The following CCDC171 variants were observed in gnomAD, a reference collection of about 807,000 sequenced individuals.
The protein encoded by CCDC171 is coiled-coil domain-containing protein 171.
In CCDC171, 177 loss-of-function variants were observed where a neutral mutation model predicts 168.2. The ratio of observed to expected loss-of-function variants is 1.05; its 90% CI spans 0.93 to 1.19. The LOEUF (loss-of-function observed/expected upper bound fraction) is 1.19, where lower values mean the gene tolerates loss of function less well. Among genes scored for constraint, CCDC171 ranks in the 50% most tolerant of loss-of-function variants. The pLI is 0.00. For synonymous variants in CCDC171, 687 were observed against 540.8 expected, an observed-to-expected ratio of 1.27 and a Z score of -3.75; for missense variants, 1,991 against 1,539.0, an observed-to-expected ratio of 1.29 and a Z score of -4.91.
At chr9:15,801,143 A>G (rs2135783810) in intron 21 of CCDC171, among the ~76,000 whole-genome samples, 1 of 151,496 alleles carries the variant, frequency 6.6e-6, no homozygotes, top group African/African-American at 2.4e-5. Context: ...TTCTATTTGT[A>G]TGAAGAATGT....
Position 15,649,159 on chromosome 9 carries a change from A to C in CCDC171, c.823-7968A>C, listed in dbSNP as rs182271086. Among the ~76,000 whole-genome samples the C allele has an allele frequency of 4.8e-3, 732 of 152,320 alleles. 7 individuals are homozygous for C. Among genetic ancestry groups the C allele is most frequent in the African/African-American group, 0.017 (694 of 41,576 alleles). ...ACAGGAAATGGGGAATGGATTCCCT[A>C]TTTAATAAATGGTGCTGGGAAAACT... On this transcript the variant is annotated intron_variant, in intron 7 of 25. Transcript: ENST00000380701.
chr9:16,000,688 AC>A (rs1475312076), intron 3 of CCDC171, among the ~76,000 whole-genome samples: 1 of 151,242 alleles, frequency 6.6e-6, no homozygotes, highest in Non-Finnish European at 1.5e-5. Flanking sequence ...GACTTACCAA[AC>A]CACTCTGGAA....
In CCDC171 at chr9:15,574,432, C is replaced by T. The variant is rs377572648; in HGVS notation, c.177+2673C>T. 1.7e-3 allele frequency among the ~76,000 whole-genome samples: 266 copies of T among 152,150 alleles called. 10 individuals are homozygous for T. In the South Asian group the frequency reaches 0.046, roughly 26 times the overall value. ...TACTGGGATTATAGGTGTGAGCCAC[C>T]GCGCCTGGCCAAATTTTTGTATTTT... On this transcript the variant is annotated intron_variant, in intron 3 of 25. Coordinates refer to ENST00000380701, the MANE Select transcript of CCDC171 (RefSeq NM_173550.4).
chr9:15,822,178 T>C (rs1030889570), intron 21 of CCDC171, among the ~76,000 whole-genome samples: 1 of 152,080 alleles, frequency 6.6e-6, no homozygotes, highest in Non-Finnish European at 1.5e-5. Flanking sequence ...ATACAAAAAT[T>C]AATTCAAGAT....
At chr9:15,996,052 A>G (rs997985691) in intron 3 of CCDC171, among the ~76,000 whole-genome samples, 1 of 152,206 alleles carries the variant, frequency 6.6e-6, no homozygotes. Flanking sequence ...CTTCTGTAAG[A>G]TGTTTCACAC....
At chr9:15,634,024 G>T (rs1234530306) in intron 7 of CCDC171, among the ~76,000 whole-genome samples, 1 of 151,650 alleles carries the variant, frequency 6.6e-6, no homozygotes, top group Non-Finnish European at 1.5e-5. Context: ...GGGGACTGTT[G>T]TGGGGTGGGG....
At chr9:16,064,891 T>C (rs1833975155), downstream of CCDC171, among the ~76,000 whole-genome samples, 1 of 152,256 alleles carries the variant, frequency 6.6e-6, no homozygotes. Context: ...CTTCTACTTA[T>C]GGCCTTTCCT....
At chr9:15,890,282 C>A (rs1368185867) in intron 24 of CCDC171, among the ~76,000 whole-genome samples, 1 of 151,976 alleles carries the variant, frequency 6.6e-6, no homozygotes, top group Non-Finnish European at 1.5e-5. Flanking sequence ...CATTGCTTGC[C>A]CTTTAGAGAT....
intron 18 of CCDC171, among the ~76,000 whole-genome samples, chr9:15,764,876 A>G (rs1002735522): frequency 6.6e-6 from 1 of 152,212 alleles, no homozygotes. Flanking sequence ...GGGGTGGGAC[A>G]TAACTGCTTT....
the CCDC171 span, among the ~76,000 whole-genome samples, chr9:16,076,539 G>A: frequency 7.2e-5 from 11 of 152,296 alleles, no homozygotes; most frequent in Admixed American, 2.0e-4. Flanking sequence ...CCTGTGCTGA[G>A]CTCCTTAGGG....
chr9:15,990,296 C>T (rs562435934), intron 3 of CCDC171, among the ~76,000 whole-genome samples: 5 of 151,778 alleles, frequency 3.3e-5, no homozygotes, highest in Non-Finnish European at 5.9e-5. Flanking sequence ...AAAGAATTTT[C>T]AACCCAGAAT....
chr9:15,707,593 C>T (rs2052345862), intron 11 of CCDC171, among the ~76,000 whole-genome samples: 1 of 152,136 alleles, frequency 6.6e-6, no homozygotes, highest in African/African-American at 2.4e-5. Flanking sequence ...TTCTCCCTTC[C>T]TTACTTTACA....
chr9:15,975,362 T>C (rs932670918), downstream of CCDC171, among the ~76,000 whole-genome samples: 1 of 152,164 alleles, frequency 6.6e-6, no homozygotes, highest in African/African-American at 2.4e-5. Flanking sequence ...TAATTAACAC[T>C]TTTTAAAGAG....
chr9:15,662,600 C>T (rs985888985), intron 8 of CCDC171, among the ~76,000 whole-genome samples: 1 of 152,088 alleles, frequency 6.6e-6, no homozygotes, highest in Admixed American at 6.5e-5. Flanking sequence ...AGATCTAAGA[C>T]TGTGTAGTTT....
chr9:15,903,729 G>A (rs901594967), intron 24 of CCDC171, among the ~76,000 whole-genome samples: 9 of 152,136 alleles, frequency 5.9e-5, no homozygotes, highest in Non-Finnish European at 1.2e-4. Flanking sequence ...AAACTACTCC[G>A]AGCTAAAGGA....
At chr9:16,107,347 A>G in the CCDC171 span, among the ~76,000 whole-genome samples, 1 of 152,192 alleles carries the variant, frequency 6.6e-6, no homozygotes, top group Non-Finnish European at 1.5e-5. Flanking sequence ...AATATACTCT[A>G]TATCTGCTTA....
intron 21 of CCDC171, among the ~76,000 whole-genome samples, chr9:15,789,746 TC>T (rs954302495): frequency 7.4e-6 from 1 of 135,932 alleles, no homozygotes; most frequent in African/African-American, 2.7e-5. Flanking sequence ...CGCTATACCT[TC>T]CCCCTCCCCC....
chr9:15,835,474 C>A (rs1467556315), intron 21 of CCDC171, among the ~76,000 whole-genome samples: 1 of 152,184 alleles, frequency 6.6e-6, no homozygotes, highest in South Asian at 2.1e-4. Context: ...GTTGCCCAGG[C>A]TGGAGTACAA....
chr9:15,906,293 A>C (rs1228016737), intron 24 of CCDC171, among the ~76,000 whole-genome samples: 1 of 152,236 alleles, frequency 6.6e-6, no homozygotes, highest in Non-Finnish European at 1.5e-5. Context: ...TGGCAAACCA[A>C]ATCCAGCAGC....
Sources: allele counts gnomAD v4.1 joint callset (sites outside exome capture counted in the v4.1 genomes callset), GRCh38; gene constraint gnomAD v4.1.1; transcripts MANE v1.5; gene names NCBI Gene and HGNC (gene_info 2026-07-23, HGNC 2026-07-21).